GPC5: variants seen among roughly 807,000 people sequenced by gnomAD.
The protein encoded by GPC5 is glypican 5.
A neutral mutation model predicts 53.9 loss-of-function variants in GPC5; 47 were observed. That is an observed-to-expected ratio of 0.87 (90% CI 0.69 to 1.11). The LOEUF (loss-of-function observed/expected upper bound fraction) is 1.11, where lower values mean the gene tolerates loss of function less well. Ranked by LOEUF, GPC5 falls within the 50% of genes most tolerant of loss-of-function variation. The pLI is 0.00. For synonymous variants in GPC5, 286 were observed against 263.3 expected, an observed-to-expected ratio of 1.09 and a Z score of -0.84; for missense variants, 748 against 713.1, an observed-to-expected ratio of 1.05 and a Z score of -0.56.
intron 7 of GPC5, among the ~76,000 whole-genome samples, chr13:92,529,810 T>C (rs1881490180): frequency 6.6e-6 from 1 of 152,190 alleles, no homozygotes; most frequent in Non-Finnish European, 1.5e-5. Flanking sequence ...TGGCTGGGCA[T>C]GATGGCTCTC....
intron 6 of GPC5, among the ~76,000 whole-genome samples, chr13:92,060,612 T>C (rs1223860463): frequency 6.6e-6 from 1 of 152,020 alleles, no homozygotes; most frequent in Non-Finnish European, 1.5e-5. Context: ...ACAGAAGACA[T>C]ATATCAAAAT....
At chr13:92,391,707 CCT>C (rs1875010614) in intron 7 of GPC5, among the ~76,000 whole-genome samples, 1 of 152,050 alleles carries the variant, frequency 6.6e-6, no homozygotes, top group Non-Finnish European at 1.5e-5. Flanking sequence ...TTATTCATGA[CCT>C]TTGCAAATAC....
intron 7 of GPC5, among the ~76,000 whole-genome samples, chr13:92,269,414 TG>T (rs1304950939): frequency 3.3e-4 from 50 of 150,742 alleles, no homozygotes; most frequent in African/African-American, 1.2e-3. Flanking sequence ...TGTTTTGTTT[TG>T]TTTTTTTTGA....
At chr13:92,032,443 A>AT (rs199992831) in intron 6 of GPC5, among the ~76,000 whole-genome samples, 1 of 150,122 alleles carries the variant, frequency 6.7e-6, no homozygotes, top group African/African-American at 2.5e-5. Context: ...GGAAATAAAA[A>AT]TTTAAAAAAA....
chr13:92,668,722 T>C lies in GPC5; in HGVS notation c.1562-197560T>C, dbSNP rs1319011805. On this transcript the variant is annotated intron_variant, in intron 7 of 7. Transcript: ENST00000377067. ...AAAATATGCTTGAATAAGTCTGTGGTCTTCTGTAACGGTTTAACCTTATAT... is the reference window on the plus strand; with the variant it reads ...AAAATATGCTTGAATAAGTCTGTGGCCTTCTGTAACGGTTTAACCTTATAT... 2.6e-5 allele frequency among the ~76,000 whole-genome samples: 4 copies of C among 152,212 alleles called. No homozygotes were observed. In the South Asian group the frequency reaches 8.3e-4, roughly 32 times the overall value.
intron 2 of GPC5, among the ~76,000 whole-genome samples, chr13:91,692,145 G>C (rs1422819556): frequency 1.3e-5 from 2 of 152,008 alleles, no homozygotes; most frequent in Non-Finnish European, 2.9e-5. Context: ...AAATTGACTT[G>C]AGATCATCAG....
intron 5 of GPC5, among the ~76,000 whole-genome samples, chr13:91,893,684 CT>C (rs1319986760): frequency 6.6e-6 from 1 of 152,084 alleles, no homozygotes; most frequent in African/African-American, 2.4e-5. Context: ...TCTATGACCC[CT>C]ATAGATAGTC....
At chr13:92,663,663 T>C (rs1349955504) in intron 7 of GPC5, among the ~76,000 whole-genome samples, 12 of 141,418 alleles carry the variant, frequency 8.5e-5, no homozygotes, top group South Asian at 2.2e-4. Flanking sequence ...TATATATATA[T>C]ACTATATATA....
chr13:91,592,550 T>C (rs2032840470), intron 2 of GPC5, among the ~76,000 whole-genome samples: 1 of 152,126 alleles, frequency 6.6e-6, no homozygotes, highest in Non-Finnish European at 1.5e-5. Flanking sequence ...GCCCACAAAC[T>C]TGCGCATCTC....
chr13:91,728,441 C>A, intron 3 of GPC5, 91 bp from the exon 4 acceptor site: 1 of 1,215,790 alleles, frequency 8.2e-7, no homozygotes, highest in Non-Finnish European at 1.1e-6. Context: ...AAAGCAAAAA[C>A]GTGTCATTGT....
chr13:92,828,586 G>C (rs1334801179), intron 7 of GPC5, among the ~76,000 whole-genome samples: 4 of 152,094 alleles, frequency 2.6e-5, no homozygotes, highest in Admixed American at 6.6e-5. Flanking sequence ...CAATGCAGCT[G>C]AAGATCATTG....
At chr13:91,399,840 C>T (rs1207372852) in intron 1 of GPC5, among the ~76,000 whole-genome samples, 1 of 152,066 alleles carries the variant, frequency 6.6e-6, no homozygotes, top group African/African-American at 2.4e-5. Flanking sequence ...TAGTTTTTAG[C>T]CTGAAAAGTG....
At chr13:91,732,117 C>T (rs2036712946) in intron 4 of GPC5, among the ~76,000 whole-genome samples, 2 of 152,178 alleles carry the variant, frequency 1.3e-5, no homozygotes, top group South Asian at 2.1e-4. Context: ...ACACTGTCTT[C>T]CACAATGGTT....
intron 7 of GPC5, among the ~76,000 whole-genome samples, chr13:92,204,362 A>G (rs748142734): frequency 1.3e-5 from 2 of 152,216 alleles, no homozygotes; most frequent in Non-Finnish European, 2.9e-5. Flanking sequence ...AACTCTTTCT[A>G]AGACCCTTGC....
intron 5 of GPC5, among the ~76,000 whole-genome samples, chr13:91,818,406 A>G (rs1047856748): frequency 1.3e-5 from 2 of 152,246 alleles, no homozygotes; most frequent in African/African-American, 4.8e-5. Context: ...TAATTGTTAT[A>G]TATAACTGAC....
chr13:92,742,520 A>G (rs1889131506), intron 7 of GPC5, among the ~76,000 whole-genome samples: 1 of 146,606 alleles, frequency 6.8e-6, no homozygotes, highest in African/African-American at 2.5e-5. Flanking sequence ...ATTTTCTCCC[A>G]TGTTGTAGGT....
intron 3 of GPC5, among the ~76,000 whole-genome samples, chr13:91,702,392 CTA>C (rs2036012187): frequency 6.6e-6 from 1 of 151,980 alleles, no homozygotes; most frequent in South Asian, 2.1e-4. Context: ...CATTTTTTTC[CTA>C]TGTTTTCTAC....
chr13:92,422,731 T>A (rs926155965), intron 7 of GPC5, among the ~76,000 whole-genome samples: 1 of 152,272 alleles, frequency 6.6e-6, no homozygotes, highest in South Asian at 2.1e-4. Context: ...CTGGAGGCAC[T>A]AATTCTAGAG....
At chr13:91,652,019 G>T (rs1483620585) in intron 2 of GPC5, among the ~76,000 whole-genome samples, 2 of 152,126 alleles carry the variant, frequency 1.3e-5, no homozygotes, top group African/African-American at 4.8e-5. Context: ...ATATTAATAG[G>T]CAGATCCAGG....
Sources: gnomAD v4.1 joint callset for allele counts (sites outside exome capture counted in the v4.1 genomes callset) on GRCh38, gnomAD v4.1.1 for gene constraint, MANE v1.5 for transcripts, NCBI Gene and HGNC (gene_info 2026-07-23, HGNC 2026-07-21) for gene names.